The following TCP11L1 variants were observed in gnomAD, a reference collection of about 807,000 sequenced individuals.
TCP11L1 encodes the protein T-complex protein 11-like protein 1.
A neutral mutation model predicts 48.9 loss-of-function variants in TCP11L1; 28 were observed. That is an observed-to-expected ratio of 0.57 (90% CI 0.42 to 0.78). The LOEUF (loss-of-function observed/expected upper bound fraction) is 0.78. Ranked by LOEUF, TCP11L1 falls within the 30% of genes least tolerant of loss-of-function variation. TCP11L1 has a pLI of 0.00. For synonymous variants in TCP11L1, 204 were observed against 231.9 expected, an observed-to-expected ratio of 0.88 and a Z score of 1.09; for missense variants, 505 against 613.4, an observed-to-expected ratio of 0.82 and a Z score of 1.87.
At chr11:33,071,239 C>T (rs770407079) in intron 9 of TCP11L1, among the ~76,000 whole-genome samples, 1 of 151,848 alleles carries the variant, frequency 6.6e-6, no homozygotes, top group East Asian at 1.9e-4. Context: ...CGCTTGAACT[C>T]GGGAGGCGGA....
intron 6 of TCP11L1, among the ~76,000 whole-genome samples, chr11:33,060,705 C>A (rs561337498): frequency 6.6e-6 from 1 of 152,270 alleles, no homozygotes; most frequent in South Asian, 2.1e-4. Context: ...AGTTCACTTT[C>A]CCCCAGGTTG....
chr11:33,064,426 G>A (rs1854553107), intron 7 of TCP11L1, among the ~76,000 whole-genome samples: 1 of 152,154 alleles, frequency 6.6e-6, no homozygotes. Flanking sequence ...GTTTCTGACA[G>A]CAAGAAAGGT....
chr11:33,069,620 G>C (rs912648851), intron 9 of TCP11L1, among the ~76,000 whole-genome samples: 3 of 151,888 alleles, frequency 2.0e-5, no homozygotes, highest in Non-Finnish European at 4.4e-5. Flanking sequence ...TTTGAGACAG[G>C]GTCTCACTCT....
intron 8 of TCP11L1, among the ~76,000 whole-genome samples, chr11:33,068,362 G>A (rs1278039094): frequency 6.6e-6 from 1 of 152,138 alleles, no homozygotes; most frequent in East Asian, 1.9e-4. Flanking sequence ...TTCCTCCAGA[G>A]GTATATCAAG....
chr11:33,060,937 A>T (rs1012752747), intron 6 of TCP11L1, among the ~76,000 whole-genome samples: 1 of 152,048 alleles, frequency 6.6e-6, no homozygotes, highest in Non-Finnish European at 1.5e-5. Context: ...AGGCCTGGCT[A>T]GGTGTCATGT....
chr11:33,044,783 A>G (rs529119144), intron 2 of TCP11L1, among the ~76,000 whole-genome samples: 2 of 152,228 alleles, frequency 1.3e-5, no homozygotes, highest in Non-Finnish European at 2.9e-5. Flanking sequence ...ATTTTAATAA[A>G]TCAACTATTA....
In TCP11L1 at chr11:33,065,990, T is replaced by G. The variant is rs1490756540; in HGVS notation, c.1133T>G (p.Leu378Trp). Residue 378 changes from leucine to tryptophan, a missense_variant, in exon 8 of 10, where the codon TTG becomes TGG. Physicochemically the swap from Leu to Trp is moderately conservative, Grantham distance 61 (BLOSUM62 -2). Around this residue, in one of 3 missense-constraint regions of TCP11L1, gnomAD observed 335 missense variants for 413.3 expected, o/e 0.81. Transcript: ENST00000334274. ...AEKLKMIVKILLTDMHLPSFH... is the reference protein window; with the variant it reads ...AEKLKMIVKIWLTDMHLPSFH... The stretch of plus-strand genomic sequence containing the variant: ...AAACTCAAGATGATTGTGAAGATTT[T>G]GCTAACAGATATGCACCTGCCGTAA... The G allele has an allele frequency of 3.7e-6, 6 of 1,614,100 alleles. No homozygotes were observed. The highest frequency in any genetic ancestry group is 5.1e-6 in the Non-Finnish European group (6 of 1,179,968).
intron 2 of TCP11L1, among the ~76,000 whole-genome samples, chr11:33,049,252 A>T (rs1854087753): frequency 1.3e-5 from 2 of 150,288 alleles, no homozygotes; most frequent in Admixed American, 6.6e-5. Flanking sequence ...CCGTCTCAAA[A>T]AAAAAAAAAA....
In TCP11L1 at chr11:33,072,480, G is replaced by A. The variant is rs773100728; in HGVS notation, c.1334G>A (p.Arg445Gln). 7 of 1,613,964 alleles carry A rather than the reference G, an allele frequency of 4.3e-6. No individual in the cohort carries two copies. Among genetic ancestry groups the A allele is most frequent in the South Asian group, 1.1e-5 (1 of 91,070 alleles). The change falls in exon 10 of 10, where the codon CGA becomes CAA. Residue 445 changes from arginine (R) to glutamine (Q), a missense_variant. Arg to Gln is a conservative substitution (Grantham distance 43). This residue lies in a region of TCP11L1 where 335 missense variants were observed against 413.3 expected (regional missense o/e 0.81). Transcript: ENST00000334274. ...ACTTTCTTTTTTGTCACAGAATCTCGAATCCTGACCTTCTTAGAAACCTAC... is the reference window on the plus strand; with the variant it reads ...ACTTTCTTTTTTGTCACAGAATCTCAAATCCTGACCTTCTTAGAAACCTAC... ...DDPIRRIMES[R>Q]ILTFLETYLA...
chr11:33,056,190 G>T (rs1854303794), intron 3 of TCP11L1, among the ~76,000 whole-genome samples: 1 of 151,826 alleles, frequency 6.6e-6, no homozygotes, highest in African/African-American at 2.4e-5. Context: ...GCTCACTGCA[G>T]CCTCCATCTC....
intron 4 of TCP11L1, among the ~76,000 whole-genome samples, 200 bp from the exon 5 acceptor site, chr11:33,057,719 C>T (rs772796198): frequency 5.3e-5 from 8 of 152,112 alleles, no homozygotes; most frequent in Non-Finnish European, 1.0e-4. Context: ...TAATTGCTAC[C>T]TAGGGCTTAA....
chr11:33,072,639 A>G lies in TCP11L1; in HGVS notation c.1493A>G (p.Tyr498Cys), dbSNP rs1247207699. Residue 498 changes from tyrosine (Y) to cysteine (C), a missense_variant, in exon 10 of 10, where the codon TAC (tyrosine) becomes TGC (cysteine). Around this residue, in one of 3 missense-constraint regions of TCP11L1, gnomAD observed 335 missense variants for 413.3 expected, o/e 0.81. Transcript: ENST00000334274. ...AACAAGATGGTCTTCTGTCCCTACT[A>G]CGATGCAATCCTGAGTAAGATCCTC... ...NYNKMVFCPYYDAILSKILVR... is the reference protein window; with the variant it reads ...NYNKMVFCPYCDAILSKILVR... The G allele has an allele frequency of 4.3e-6, 7 of 1,613,974 alleles. No individual in the cohort carries two copies. Among genetic ancestry groups the G allele is most frequent in the Non-Finnish European group, 5.9e-6 (7 of 1,180,028 alleles).
chr11:33,047,528 C>A (rs1480102212), intron 2 of TCP11L1, among the ~76,000 whole-genome samples: 1 of 152,204 alleles, frequency 6.6e-6, no homozygotes, highest in Non-Finnish European at 1.5e-5. Context: ...CAGTTAATAT[C>A]TCCCACTTAG....
intron 5 of TCP11L1, among the ~76,000 whole-genome samples, 166 bp from the exon 6 acceptor site, chr11:33,058,793 G>A (rs1854389574): frequency 6.6e-6 from 1 of 151,816 alleles, no homozygotes; most frequent in African/African-American, 2.4e-5. Flanking sequence ...TGTCACATTT[G>A]CTATGCTGCC....
At chr11:33,068,302 TTCTC>T (rs1477992623) in intron 8 of TCP11L1, among the ~76,000 whole-genome samples, 2 of 151,980 alleles carry the variant, frequency 1.3e-5, no homozygotes, top group African/African-American at 4.8e-5. Flanking sequence ...AATGAAGAGT[TTCTC>T]TCTCCCTCTT....
At chr11:33,057,334 T>A in intron 4 of TCP11L1, 99 bp downstream of exon 4, 1 of 1,555,948 alleles carries the variant, frequency 6.4e-7, no homozygotes, top group Non-Finnish European at 8.7e-7. Context: ...AATTGAAGGA[T>A]CAAGAAGTTA....
intron 9 of TCP11L1, among the ~76,000 whole-genome samples, chr11:33,070,451 C>T (rs941750646): frequency 5.9e-5 from 9 of 152,140 alleles, no homozygotes; most frequent in Non-Finnish European, 2.9e-5. Context: ...TTTGGGAGGC[C>T]GAGCCGGGCA....
At chr11:33,053,441 C>G (rs1015080856) in intron 2 of TCP11L1, among the ~76,000 whole-genome samples, 1 of 150,038 alleles carries the variant, frequency 6.7e-6, no homozygotes, top group African/African-American at 2.5e-5. Flanking sequence ...CTTGCCTTAT[C>G]ATAGGCTTTT....
Position 33,054,488 on chromosome 11 carries a change from C to T in TCP11L1, c.164-105C>T, listed in dbSNP as rs540718522. 1.3e-4 allele frequency: 178 copies of T among 1,339,340 alleles called. 1 individual carries two copies. In the South Asian group the frequency reaches 1.6e-3, roughly 12 times the overall value. The allele number at this position is 1,339,340 out of a possible 1,614,324, so 83.0% of individuals were successfully genotyped here. A position where few individuals can be genotyped will look rare whatever the true frequency, so the allele number is the denominator to read the frequency against. The stretch of plus-strand genomic sequence containing the variant: ...ATGCCAGAACAAACATTTTAATAGA[C>T]GCAATAACTGAAATTATTGTCTGGT... On this transcript the variant is annotated intron_variant, in intron 2 of 9. Transcript: ENST00000334274.
Sources: gnomAD v4.1 joint callset for allele counts (sites outside exome capture counted in the v4.1 genomes callset) on GRCh38, gnomAD v4.1.1 for gene constraint, gnomAD v4.1.1 regional missense constraint, MANE v1.5 for transcripts, NCBI Gene and HGNC (gene_info 2026-07-23, HGNC 2026-07-21) for gene names.